MCTP2: variants seen among roughly 807,000 people sequenced by gnomAD.
The protein encoded by MCTP2 is multiple C2 and transmembrane domain-containing protein 2.
Under a neutral mutation model 111.6 loss-of-function variants are expected in MCTP2, and 132 were observed. The observed-to-expected ratio is 1.18, with a 90% confidence interval of 1.03 to 1.37. The LOEUF (loss-of-function observed/expected upper bound fraction) is 1.37, where lower values mean the gene tolerates loss of function less well. Ranked by LOEUF, MCTP2 falls within the 40% of genes most tolerant of loss-of-function variation. MCTP2 has a pLI of 0.00. For synonymous variants in MCTP2, 395 were observed against 387.7 expected, an observed-to-expected ratio of 1.02 and a Z score of -0.22; for missense variants, 1,183 against 1,067.9, an observed-to-expected ratio of 1.11 and a Z score of -1.50.
At chr15:94,417,526 CAT>C (rs1415018808) in intron 17 of MCTP2, among the ~76,000 whole-genome samples, 1 of 152,052 alleles carries the variant, frequency 6.6e-6, no homozygotes, top group Non-Finnish European at 1.5e-5. Flanking sequence ...TGTGTGCGCA[CAT>C]GTTTTAAGAC....
At chr15:94,464,261 A>ATATAATATATATATATATAT (rs1555481440) in intron 20 of MCTP2, among the ~76,000 whole-genome samples, 1 of 43,338 alleles carries the variant, frequency 2.3e-5, no homozygotes, top group South Asian at 6.9e-4. Context: ...TATATATTAT[A>ATATAATATATATATATATAT]TATATATATA....
chr15:94,355,855 A>G, intron 8 of MCTP2: 1 of 913,380 alleles, frequency 1.1e-6, no homozygotes, highest in Non-Finnish European at 1.3e-6. Flanking sequence ...CAGTTGAAGG[A>G]GTCCCACCAA....
intron 17 of MCTP2, among the ~76,000 whole-genome samples, chr15:94,423,235 C>T (rs2082711907): frequency 6.6e-6 from 1 of 152,162 alleles, no homozygotes; most frequent in African/African-American, 2.4e-5. Context: ...TGATGGCAGC[C>T]ATTCAAGTTC....
At chr15:94,256,652 A>G (rs1234086902) in intron 1 of MCTP2, among the ~76,000 whole-genome samples, 1 of 152,166 alleles carries the variant, frequency 6.6e-6, no homozygotes, top group Non-Finnish European at 1.5e-5. Flanking sequence ...CAAGAGACTT[A>G]GAGAAGTAAG....
chr15:94,288,006 G>A (rs1013854417), intron 1 of MCTP2, among the ~76,000 whole-genome samples: 1 of 152,192 alleles, frequency 6.6e-6, no homozygotes, highest in Non-Finnish European at 1.5e-5. Context: ...CAACAGTCTT[G>A]TGGTGGAGGC....
intron 11 of MCTP2, among the ~76,000 whole-genome samples, chr15:94,369,296 C>A (rs1489697538): frequency 6.6e-6 from 1 of 152,092 alleles, no homozygotes; most frequent in Non-Finnish European, 1.5e-5. Flanking sequence ...CTGTTTATCA[C>A]AGGTTTTTAG....
chr15:94,247,315 G>A (rs1342711566), intron 1 of MCTP2, among the ~76,000 whole-genome samples: 1 of 152,054 alleles, frequency 6.6e-6, no homozygotes, highest in African/African-American at 2.4e-5. Flanking sequence ...TCCCCAACAT[G>A]CTGGGGAATT....
At chr15:94,325,062 T>C (rs2076796270) in intron 4 of MCTP2, among the ~76,000 whole-genome samples, 1 of 152,194 alleles carries the variant, frequency 6.6e-6, no homozygotes, top group Non-Finnish European at 1.5e-5. Context: ...CCATAAACCC[T>C]GCTGTGCCCT....
chr15:94,465,230 T>C (rs1164240496), intron 20 of MCTP2, among the ~76,000 whole-genome samples: 1 of 152,134 alleles, frequency 6.6e-6, no homozygotes, highest in Non-Finnish European at 1.5e-5. Context: ...AAATACCTTG[T>C]TGACCAATAT....
In MCTP2 at chr15:94,470,445, A is replaced by G. The variant is rs1292308292; in HGVS notation, c.2470+3A>G. 1 of 1,584,254 alleles carries G rather than the reference A, an allele frequency of 6.3e-7. No individual in the cohort carries two copies. The highest frequency in any genetic ancestry group is 8.7e-7 in the Non-Finnish European group (1 of 1,152,926). On this transcript the variant is annotated splice_donor_region_variant and intron_variant, in intron 21 of 22. Transcript: ENST00000357742. ...GCGGTACATCATTTTAATCTGGGGT[A>G]AGTTTGGAATGGTCCTTTTGCTAGC...
chr15:94,249,166 A>G (rs2152263494), intron 1 of MCTP2, among the ~76,000 whole-genome samples: 1 of 152,300 alleles, frequency 6.6e-6, no homozygotes. Context: ...TTTCCGTAAT[A>G]TGCCTGTACC....
At chr15:94,446,464 A>G (rs540623074) in intron 19 of MCTP2, among the ~76,000 whole-genome samples, 1 of 152,242 alleles carries the variant, frequency 6.6e-6, no homozygotes, top group South Asian at 2.1e-4. Context: ...AAATTGCATT[A>G]ATTTTCTACA....
intron 19 of MCTP2, among the ~76,000 whole-genome samples, chr15:94,444,006 A>AAAAC (rs67260644): frequency 6.9e-6 from 1 of 144,222 alleles, no homozygotes; most frequent in South Asian, 2.2e-4. Context: ...AAAAAAAAAA[A>AAAAC]CAGAAGTATT....
intron 12 of MCTP2, among the ~76,000 whole-genome samples, chr15:94,372,493 A>G (rs1053730872): frequency 2.6e-5 from 4 of 152,218 alleles, no homozygotes; most frequent in Admixed American, 2.6e-4. Context: ...TGAGGTAGCA[A>G]TGAATACCTC....
In MCTP2 at chr15:94,390,074, A is replaced by ATATATG. The variant is rs2080813450; in HGVS notation, c.1788+4554_1788+4555insGTATAT. 7.1e-3 allele frequency among the ~76,000 whole-genome samples: 184 copies of ATATATG among 25,742 alleles called. 1 individual carries two copies. Among genetic ancestry groups the ATATATG allele is most frequent in the African/African-American group, 0.021 (168 of 7,992 alleles). The allele number at this position is 25,742 out of a possible 152,430, so 16.9% of individuals were successfully genotyped here. A position where few individuals can be genotyped will look rare whatever the true frequency, so the allele number is the denominator to read the frequency against. On this transcript the variant is annotated intron_variant, in intron 14 of 22. Transcript: ENST00000357742. ...CATATATATATATATATATATATATATATATATATATATATGTATATATAT... is the reference window on the plus strand; with the variant it reads ...CATATATATATATATATATATATATATATATGTATATATATATATATGTATATATAT...
chr15:94,471,376 G>A (rs1567785203), intron 21 of MCTP2, among the ~76,000 whole-genome samples: 2 of 152,120 alleles, frequency 1.3e-5, no homozygotes, highest in Non-Finnish European at 2.9e-5. Flanking sequence ...AAAGCTGAGA[G>A]CCTGCAAATG....
intron 1 of MCTP2, among the ~76,000 whole-genome samples, chr15:94,281,472 T>C (rs1452961701): frequency 4.6e-5 from 7 of 152,212 alleles, no homozygotes; most frequent in Admixed American, 4.6e-4. Context: ...GATGGGTCTC[T>C]TGAAGACAAC....
At chr15:94,399,091 C>T in intron 15 of MCTP2, 29 bp downstream of exon 15, 1 of 1,129,962 alleles carries the variant, frequency 8.8e-7, no homozygotes, top group Non-Finnish European at 1.3e-6. Flanking sequence ...TACTTCCCGG[C>T]TTTCCCGTAC....
At chr15:94,333,908 T>C (rs906456195) in intron 4 of MCTP2, among the ~76,000 whole-genome samples, 1 of 152,178 alleles carries the variant, frequency 6.6e-6, no homozygotes, top group Non-Finnish European at 1.5e-5. Flanking sequence ...ACAGAATCCC[T>C]GCGAGAAGTA....
Sources: gnomAD v4.1 joint callset for allele counts (sites outside exome capture counted in the v4.1 genomes callset) on GRCh38, gnomAD v4.1.1 for gene constraint, MANE v1.5 for transcripts, NCBI Gene and HGNC (gene_info 2026-07-23, HGNC 2026-07-21) for gene names.